The following GRIK2 variants were observed in gnomAD, a reference collection of about 807,000 sequenced individuals.
GRIK2 encodes glutamate ionotropic receptor kainate type subunit 2, also known as glutamate receptor ionotropic, kainate 2.
Under a neutral mutation model 100.3 loss-of-function variants are expected in GRIK2, and 32 were observed. The ratio of observed to expected loss-of-function variants is 0.32; its 90% CI spans 0.24 to 0.43. GRIK2 has a LOEUF of 0.43. Among genes scored for constraint, GRIK2 ranks in the 20% least tolerant of loss-of-function variants. The pLI is 1.00. For missense variants in GRIK2, 843 were observed against 1,114.9 expected, an observed-to-expected ratio of 0.76 and a Z score of 3.47; for synonymous variants, 417 against 389.4, an observed-to-expected ratio of 1.07 and a Z score of -0.83.
At chr6:101,592,500 A>G (rs956833639) in intron 2 of GRIK2, among the ~76,000 whole-genome samples, 3 of 150,166 alleles carry the variant, frequency 2.0e-5, no homozygotes, top group African/African-American at 7.3e-5. Flanking sequence ...TGGGAAGACC[A>G]GCTGACAACA....
At chr6:101,621,332 A>G (rs938732523) in intron 2 of GRIK2, among the ~76,000 whole-genome samples, 10 of 152,144 alleles carry the variant, frequency 6.6e-5, no homozygotes, top group Non-Finnish European at 1.2e-4. Flanking sequence ...ACACGCCTGT[A>G]GTCTCAACTA....
chr6:102,013,208 A>G (rs947630373), intron 14 of GRIK2, among the ~76,000 whole-genome samples: 7 of 152,074 alleles, frequency 4.6e-5, no homozygotes, highest in Non-Finnish European at 1.0e-4. Context: ...TGTGAATGGG[A>G]TTGCATTCCT....
intron 12 of GRIK2, among the ~76,000 whole-genome samples, chr6:101,901,371 T>C (rs537959448): frequency 2.0e-5 from 3 of 152,014 alleles, no homozygotes; most frequent in Non-Finnish European, 1.5e-5. Flanking sequence ...CAGTTTTGAA[T>C]GTCTAATTAT....
At position 101,841,323 on chromosome 6, in the gene GRIK2, A is replaced by T. The variant is rs575818765; in HGVS notation, c.1318-17964A>T. 5.9e-5 allele frequency among the ~76,000 whole-genome samples: 9 copies of T among 152,204 alleles called. No individual in the cohort carries two copies. The South Asian group carries it at 1.9e-3, about 32-fold the overall frequency. Reference sequence around the variant, plus strand: ...GCAAAGTTTGTTAGGTTTTGTTATCACTGAATGTTTAACAAATTCACGTGC... The same window carrying T: ...GCAAAGTTTGTTAGGTTTTGTTATCTCTGAATGTTTAACAAATTCACGTGC... On this transcript the variant is annotated intron_variant, in intron 10 of 16. Coordinates refer to ENST00000369134, the MANE Select transcript of GRIK2 (RefSeq NM_021956.5).
chr6:101,522,940 T>A (rs1371176894), intron 2 of GRIK2, among the ~76,000 whole-genome samples: 1 of 150,834 alleles, frequency 6.6e-6, no homozygotes, highest in African/African-American at 2.4e-5. Context: ...TTTAATCTAT[T>A]TATTAAATTA....
intron 7 of GRIK2, among the ~76,000 whole-genome samples, chr6:101,694,038 A>T (rs889367563): frequency 1.3e-5 from 2 of 152,144 alleles, no homozygotes; most frequent in Non-Finnish European, 2.9e-5. Context: ...AGAAGAGGTG[A>T]TGCCCAATGC....
At chr6:102,024,310 T>C (rs1769579950) in intron 14 of GRIK2, among the ~76,000 whole-genome samples, 1 of 151,300 alleles carries the variant, frequency 6.6e-6, no homozygotes, top group South Asian at 2.1e-4. Context: ...ATGATTTGGC[T>C]GACATAATAC....
chr6:101,677,616 A>G (rs1396331556), intron 5 of GRIK2, among the ~76,000 whole-genome samples: 1 of 152,112 alleles, frequency 6.6e-6, no homozygotes, highest in Non-Finnish European at 1.5e-5. Flanking sequence ...TACACTTACT[A>G]TGTAGTAGAG....
chr6:101,955,418 A>G (rs1791853446), intron 14 of GRIK2, among the ~76,000 whole-genome samples: 3 of 152,110 alleles, frequency 2.0e-5, no homozygotes, highest in Admixed American at 1.3e-4. Flanking sequence ...TTGGGAGGCC[A>G]AAGCAGGAAG....
chr6:101,465,595 T>C (rs1172813745), intron 2 of GRIK2, among the ~76,000 whole-genome samples: 1 of 152,188 alleles, frequency 6.6e-6, no homozygotes, highest in East Asian at 1.9e-4. Context: ...ACCTCAGATT[T>C]AGAGAGTCTC....
At chr6:101,865,225 T>C (rs1187785271) in intron 11 of GRIK2, among the ~76,000 whole-genome samples, 1 of 152,192 alleles carries the variant, frequency 6.6e-6, no homozygotes, top group African/African-American at 2.4e-5. Context: ...TTTTACATTA[T>C]TTTTAAGAAG....
At chr6:101,456,135 A>G (rs927178397) in intron 2 of GRIK2, among the ~76,000 whole-genome samples, 1 of 151,386 alleles carries the variant, frequency 6.6e-6, no homozygotes, top group Admixed American at 6.6e-5. Flanking sequence ...TTTTTTTTAA[A>G]AAAAGAGAAG....
At chr6:101,502,928 T>C (rs1217052154) in intron 2 of GRIK2, among the ~76,000 whole-genome samples, 1 of 152,110 alleles carries the variant, frequency 6.6e-6, no homozygotes, top group Non-Finnish European at 1.5e-5. Context: ...TCAAGCTGCA[T>C]TTGCCATCTC....
intron 2 of GRIK2, among the ~76,000 whole-genome samples, chr6:101,619,608 T>C (rs374200651): frequency 2.0e-5 from 3 of 152,172 alleles, no homozygotes; most frequent in South Asian, 2.1e-4. Flanking sequence ...TTCAGTTTTT[T>C]GTTTTATTTG....
At chr6:101,752,404 G>A (rs372167249) in intron 7 of GRIK2, among the ~76,000 whole-genome samples, 131 of 152,036 alleles carry the variant, frequency 8.6e-4, no homozygotes, top group Middle Eastern at 3.4e-3. Context: ...GGTTTCTTTC[G>A]GTGGGAATTG....
chr6:101,800,562 A>C (rs1175200186), intron 8 of GRIK2, among the ~76,000 whole-genome samples: 1 of 152,092 alleles, frequency 6.6e-6, no homozygotes, highest in African/African-American at 2.4e-5. Context: ...GCTTAAAATA[A>C]ATCATCAGTT....
chr6:101,643,429 T>G (rs947734110), intron 4 of GRIK2, among the ~76,000 whole-genome samples: 7 of 151,648 alleles, frequency 4.6e-5, no homozygotes, highest in African/African-American at 1.7e-4. Flanking sequence ...CTTTATTCTT[T>G]TGTATGTGGA....
In GRIK2 at chr6:101,953,525, A is replaced by G. The variant is rs965998875; in HGVS notation, c.2085+24893A>G. On this transcript the variant is annotated intron_variant, in intron 14 of 16. Coordinates refer to ENST00000369134, the MANE Select transcript of GRIK2 (RefSeq NM_021956.5). Reference sequence around the variant, plus strand: ...TCCCTGATAGCTAATGTGGTTGAGCATCTTTTATGTGCTTATTCACCATTT... The same window carrying G: ...TCCCTGATAGCTAATGTGGTTGAGCGTCTTTTATGTGCTTATTCACCATTT... Among the ~76,000 whole-genome samples the G allele has an allele frequency of 3.3e-5, 5 of 152,190 alleles. 1 individual carries two copies. Among genetic ancestry groups the G allele is most frequent in the African/African-American group, 4.8e-5 (2 of 41,448 alleles).
intron 13 of GRIK2, chr6:101,927,832 T>G (rs1790001892): frequency 6.5e-6 from 1 of 152,874 alleles, no homozygotes; most frequent in African/African-American, 2.4e-5. Flanking sequence ...CAGGAGAACA[T>G]AATTTATTAT....
Sources: allele counts gnomAD v4.1 joint callset (sites outside exome capture counted in the v4.1 genomes callset), GRCh38; gene constraint gnomAD v4.1.1; transcripts MANE v1.5; gene names NCBI Gene and HGNC (gene_info 2026-07-23, HGNC 2026-07-21).